Variants in SKAP2 observed in about 807,000 individuals in gnomAD.
The protein encoded by SKAP2 is src kinase associated phosphoprotein 2.
SKAP2 carries 28 observed loss-of-function variants against 54.9 expected under a neutral mutation model. That is an observed-to-expected ratio of 0.51 (90% CI 0.38 to 0.70). SKAP2 has a LOEUF of 0.70. Ranked by LOEUF, SKAP2 falls within the 30% of genes least tolerant of loss-of-function variation. The pLI is 0.00. For missense variants in SKAP2, 356 were observed against 424.1 expected (o/e 0.84, Z 1.41); for synonymous variants, 137 against 134.3 (o/e 1.02, Z -0.14).
chr7:26,804,865 T>TG (rs1783994294), intron 4 of SKAP2, among the ~76,000 whole-genome samples: 1 of 152,088 alleles, frequency 6.6e-6, no homozygotes, highest in Non-Finnish European at 1.5e-5. Context: ...AAAAGCCAGT[T>TG]AACAGTGAAA....
chr7:26,796,249 G>A (rs1783776339), intron 4 of SKAP2, among the ~76,000 whole-genome samples: 1 of 152,194 alleles, frequency 6.6e-6, no homozygotes, highest in Non-Finnish European at 1.5e-5. Context: ...AGTATATCCT[G>A]TCCTTTGGTA....
rs201744537 is a variant in SKAP2, at chr7:26,698,582, G to C, written c.797-8220C>G. Reference sequence around the variant, plus strand: ...TTCACCTAATATCAACCTTGAGTACGTAACTTTAATATTCTATGTGACAAA... The same window carrying C: ...TTCACCTAATATCAACCTTGAGTACCTAACTTTAATATTCTATGTGACAAA... On this transcript the variant is annotated intron_variant, in intron 9 of 12. Transcript: ENST00000345317. Among the ~76,000 whole-genome samples, 5 of 152,230 alleles carry C rather than the reference G, an allele frequency of 3.3e-5. No homozygotes were observed. The East Asian group carries it at 7.7e-4, about 23-fold the overall frequency.
chr7:26,692,178 G>A (rs1243428838), intron 9 of SKAP2, among the ~76,000 whole-genome samples: 1 of 143,500 alleles, frequency 7.0e-6, no homozygotes, highest in Non-Finnish European at 1.5e-5. Context: ...CTTTGTGCCT[G>A]AATGTGGAGG....
chr7:26,824,537 C>T (rs534905015), intron 4 of SKAP2, among the ~76,000 whole-genome samples: 7 of 151,466 alleles, frequency 4.6e-5, no homozygotes. Flanking sequence ...TGTAACTTGG[C>T]CTATCAGTTT....
intron 6 of SKAP2, among the ~76,000 whole-genome samples, chr7:26,730,086 TC>T (rs1787790851): frequency 6.6e-6 from 1 of 152,136 alleles, no homozygotes; most frequent in Admixed American, 6.5e-5. Context: ...TAGCCATATC[TC>T]CAATTAGCCA....
chr7:26,736,429 G>A (rs1386425725), intron 6 of SKAP2, among the ~76,000 whole-genome samples: 1 of 80,576 alleles, frequency 1.2e-5, no homozygotes, highest in Non-Finnish European at 2.5e-5. Context: ...ACCCTATATG[G>A]CTTAAAAAGG....
chr7:26,726,051 T>C, intron 7 of SKAP2, 65 bp from the exon 8 acceptor site: 1 of 1,024,842 alleles, frequency 9.8e-7, no homozygotes, highest in East Asian at 2.4e-5. Flanking sequence ...TGTTGTATTC[T>C]TACCATTTCT....
chr7:26,761,927 AC>A (rs1284314909), intron 4 of SKAP2, among the ~76,000 whole-genome samples: 2 of 152,102 alleles, frequency 1.3e-5, no homozygotes, highest in African/African-American at 4.8e-5. Flanking sequence ...TAATAGGGTG[AC>A]CTTTCCATGT....
intron 6 of SKAP2, among the ~76,000 whole-genome samples, chr7:26,735,416 T>C (rs1265786101): frequency 6.6e-6 from 1 of 152,176 alleles, no homozygotes; most frequent in Admixed American, 6.5e-5. Flanking sequence ...CCCAAATGGC[T>C]ATAAATAATA....
intron 4 of SKAP2, among the ~76,000 whole-genome samples, chr7:26,814,784 A>G (rs1377513301): frequency 6.6e-6 from 1 of 152,134 alleles, no homozygotes; most frequent in African/African-American, 2.4e-5. Flanking sequence ...ATCATGTACC[A>G]TTAAAAATAA....
At chr7:26,739,695 T>A (rs1782387294) in intron 5 of SKAP2, among the ~76,000 whole-genome samples, 192 bp downstream of exon 5, 1 of 152,224 alleles carries the variant, frequency 6.6e-6, no homozygotes, top group Non-Finnish European at 1.5e-5. Flanking sequence ...CCTAACCTAA[T>A]GTTTTCTTAT....
chr7:26,802,733 T>C (rs1183348333), intron 4 of SKAP2, among the ~76,000 whole-genome samples: 1 of 151,920 alleles, frequency 6.6e-6, no homozygotes, highest in Non-Finnish European at 1.5e-5. Flanking sequence ...ATACAAAAAT[T>C]AGCCAGACAT....
intron 10 of SKAP2, among the ~76,000 whole-genome samples, chr7:26,686,758 T>C (rs1350104250): frequency 6.6e-6 from 1 of 152,162 alleles, no homozygotes; most frequent in African/African-American, 2.4e-5. Flanking sequence ...AGTTTAAAAG[T>C]CAGGGAATTA....
intron 10 of SKAP2, among the ~76,000 whole-genome samples, chr7:26,686,702 T>C (rs1332339401): frequency 6.6e-6 from 1 of 152,176 alleles, no homozygotes; most frequent in Non-Finnish European, 1.5e-5. Context: ...ATTAAATCAA[T>C]TGGTAAATGG....
At chr7:26,849,758 A>G (rs1785001330) in intron 3 of SKAP2, among the ~76,000 whole-genome samples, 1 of 151,830 alleles carries the variant, frequency 6.6e-6, no homozygotes, top group Admixed American at 6.6e-5. Context: ...GAAACATTTG[A>G]CTAATGCTAA....
rs910224454 is a variant in SKAP2, at chr7:26,723,153, C to T, written c.796+2275G>A. 2.0e-5 allele frequency among the ~76,000 whole-genome samples: 3 copies of T among 152,134 alleles called. No homozygotes were observed. In the East Asian group the frequency reaches 5.8e-4, roughly 29 times the overall value. ...CTTAATTCTTGTCCTGAAAGAGAGA[C>T]AATTGTTTTAATTAAAAAAGTTACC... On this transcript the variant is annotated intron_variant, in intron 9 of 12. Transcript: ENST00000345317.
In SKAP2 at chr7:26,828,307, G is replaced by A. The variant is rs115790776; in HGVS notation, c.307+15723C>T. Among the ~76,000 whole-genome samples the A allele has an allele frequency of 2.5e-3, 375 of 152,166 alleles. 1 individual carries two copies. The highest frequency in any genetic ancestry group is 8.5e-3 in the African/African-American group (353 of 41,512). On this transcript the variant is annotated intron_variant, in intron 4 of 12. Transcript: ENST00000345317. ...GTATTATGTTGCTAGAAATGATAGCGGTATATAAACAAAATAAGAATTCTT... is the reference window on the plus strand; with the variant it reads ...GTATTATGTTGCTAGAAATGATAGCAGTATATAAACAAAATAAGAATTCTT...
chr7:26,702,043 C>T (rs1787038728), intron 9 of SKAP2, among the ~76,000 whole-genome samples: 1 of 152,112 alleles, frequency 6.6e-6, no homozygotes, highest in South Asian at 2.1e-4. Flanking sequence ...TGCTTTTGTC[C>T]AATTTTTTCC....
chr7:26,841,180 C>T (rs187044844), intron 4 of SKAP2, among the ~76,000 whole-genome samples: 2 of 152,154 alleles, frequency 1.3e-5, no homozygotes, highest in East Asian at 1.9e-4. Flanking sequence ...AAAGCTGTGG[C>T]TACTCTAGTC....
Sources: allele counts gnomAD v4.1 joint callset (sites outside exome capture counted in the v4.1 genomes callset), GRCh38; gene constraint gnomAD v4.1.1; transcripts MANE v1.5; gene names NCBI Gene and HGNC (gene_info 2026-07-23, HGNC 2026-07-21).